The following KIF26B variants were observed in gnomAD, a reference collection of about 807,000 sequenced individuals.
The protein encoded by KIF26B is kinesin family member 26B, also known as kinesin-like protein KIF26B.
Under a neutral mutation model 151.2 loss-of-function variants are expected in KIF26B, and 63 were observed. The observed-to-expected ratio is 0.42, with a 90% CI of 0.34 to 0.51. The LOEUF (loss-of-function observed/expected upper bound fraction) is 0.51, where lower values mean the gene tolerates loss of function less well. KIF26B is among the 20% of genes least tolerant of loss of function. The probability of loss-of-function intolerance (pLI) is 0.07; values close to 1 mark genes in which losing one functional copy is unlikely to be tolerated. For synonymous variants in KIF26B, 1,357 were observed against 1,262.1 expected (o/e 1.08, Z -1.59); for missense variants, 2,813 against 2,913.6 (o/e 0.97, Z 0.79).
intron 10 of KIF26B, among the ~76,000 whole-genome samples, chr1:245,652,426 AT>A (rs1258289825): frequency 1.3e-5 from 2 of 152,288 alleles, no homozygotes; most frequent in African/African-American, 4.8e-5. Context: ...TCGCTGGGAC[AT>A]CGAAGTCCCT....
Position 245,239,799 on chromosome 1 carries a change from T to G in KIF26B, c.465+83116T>G, listed in dbSNP as rs931159958. On this transcript the variant is annotated intron_variant, in intron 2 of 14. Coordinates refer to ENST00000407071, the MANE Select transcript of KIF26B (RefSeq NM_018012.4). The surrounding 1 kb of genome is among the most constrained non-coding windows in gnomAD (Gnocchi z 4.3). ...GCATGAGCCATTGTGTCCTGACCAG[T>G]AAAATGATTTTCTGAATGTTTTAGT... Among the ~76,000 whole-genome samples the G allele has an allele frequency of 1.3e-5, 2 of 152,054 alleles. No homozygotes were observed. Among genetic ancestry groups the G allele is most frequent in the Non-Finnish European group, 2.9e-5 (2 of 68,024 alleles).
intron 2 of KIF26B, among the ~76,000 whole-genome samples, chr1:245,301,821 G>A (rs566617640): frequency 1.3e-5 from 2 of 152,302 alleles, no homozygotes; most frequent in African/African-American, 4.8e-5. Flanking sequence ...GTGCCTTCTA[G>A]TACCCAATTA....
chr1:245,220,591 C>T (rs1669747739), intron 2 of KIF26B, among the ~76,000 whole-genome samples: 1 of 152,092 alleles, frequency 6.6e-6, no homozygotes, highest in African/African-American at 2.4e-5. Flanking sequence ...TACAATATCC[C>T]AATAAAGCGT....
At chr1:245,262,618 C>A (rs576941107) in intron 2 of KIF26B, among the ~76,000 whole-genome samples, 4 of 152,184 alleles carry the variant, frequency 2.6e-5, no homozygotes, top group African/African-American at 9.6e-5. Context: ...CCACGCCTGG[C>A]TAACTTTTGT....
At chr1:245,551,820 G>A (rs553119090) in intron 5 of KIF26B, among the ~76,000 whole-genome samples, 1 of 152,122 alleles carries the variant, frequency 6.6e-6, no homozygotes, top group Non-Finnish European at 1.5e-5. Flanking sequence ...TCCTTGGGGA[G>A]GCTTTCCCTG....
At chr1:245,633,790 T>C (rs2043806153) in intron 9 of KIF26B, among the ~76,000 whole-genome samples, 1 of 152,218 alleles carries the variant, frequency 6.6e-6, no homozygotes, top group Non-Finnish European at 1.5e-5. Context: ...CTCTAAATCA[T>C]GTGTTTGATG....
chr1:245,202,231 C>T (rs144440842), intron 2 of KIF26B, among the ~76,000 whole-genome samples: 149 of 152,040 alleles, frequency 9.8e-4, no homozygotes, highest in Admixed American at 4.7e-3. Flanking sequence ...TCTCTCGCAA[C>T]GTTACTCACT....
chr1:245,700,758 C>A (rs897919962), intron 14 of KIF26B, among the ~76,000 whole-genome samples: 2 of 152,168 alleles, frequency 1.3e-5, no homozygotes, highest in African/African-American at 2.4e-5. Context: ...CCTGCGAGGG[C>A]CTTTCATCGA....
chr1:245,388,776 A>T (rs1337402880), intron 3 of KIF26B, among the ~76,000 whole-genome samples: 1 of 152,204 alleles, frequency 6.6e-6, no homozygotes, highest in Non-Finnish European at 1.5e-5. Context: ...TGCTGCTCTG[A>T]GTCTGTTGGG....
chr1:245,478,778 G>C (rs1572082957), intron 4 of KIF26B, among the ~76,000 whole-genome samples: 1 of 151,736 alleles, frequency 6.6e-6, no homozygotes, highest in East Asian at 1.9e-4. Context: ...GGTGAACAGT[G>C]AGTAGCAGGA....
intron 2 of KIF26B, among the ~76,000 whole-genome samples, chr1:245,214,816 G>T (rs1185829819): frequency 2.0e-5 from 3 of 152,128 alleles, no homozygotes; most frequent in Non-Finnish European, 4.4e-5. Flanking sequence ...CTCCAGCCTG[G>T]GTTACAAGAG....
At chr1:245,384,136 ACCACTTC>A (rs1673483724) in intron 3 of KIF26B, among the ~76,000 whole-genome samples, 1 of 152,128 alleles carries the variant, frequency 6.6e-6, no homozygotes, top group Non-Finnish European at 1.5e-5. Context: ...TTGAGCAGCT[ACCACTTC>A]CCGTTCCCCT....
chr1:245,474,276 T>G (rs1334707983), intron 4 of KIF26B, among the ~76,000 whole-genome samples: 1 of 150,768 alleles, frequency 6.6e-6, no homozygotes, highest in Admixed American at 6.6e-5. Flanking sequence ...ATCTGGCTAA[T>G]TTTTTGTATT....
At chr1:245,599,310 G>T (rs1262510434) in intron 5 of KIF26B, among the ~76,000 whole-genome samples, 3 of 152,208 alleles carry the variant, frequency 2.0e-5, no homozygotes, top group African/African-American at 7.2e-5. Flanking sequence ...GCATTGCAAA[G>T]AAAAGAATGG....
At chr1:245,662,146 C>A (rs1460091462) in intron 10 of KIF26B, among the ~76,000 whole-genome samples, 1 of 149,596 alleles carries the variant, frequency 6.7e-6, no homozygotes, top group East Asian at 2.0e-4. Flanking sequence ...ACACACACCC[C>A]ATATATATAT....
chr1:245,271,791 C>T (rs1324988753), intron 2 of KIF26B, among the ~76,000 whole-genome samples: 2 of 152,002 alleles, frequency 1.3e-5, no homozygotes, highest in East Asian at 1.9e-4. Context: ...CTGTATTCAT[C>T]AGGGATATTG....
intron 2 of KIF26B, among the ~76,000 whole-genome samples, chr1:245,172,294 G>A (rs1223246697): frequency 6.6e-6 from 1 of 152,158 alleles, no homozygotes; most frequent in Non-Finnish European, 1.5e-5. Flanking sequence ...GCTCCGGGCT[G>A]CTGGAACATT....
chr1:245,596,828 G>A (rs2043340224), intron 5 of KIF26B, among the ~76,000 whole-genome samples: 1 of 152,176 alleles, frequency 6.6e-6, no homozygotes, highest in Non-Finnish European at 1.5e-5. Flanking sequence ...TGTATTGGGT[G>A]CATATATATT....
At chr1:245,630,385 T>C (rs1032192102) in intron 9 of KIF26B, among the ~76,000 whole-genome samples, 3 of 152,120 alleles carry the variant, frequency 2.0e-5, no homozygotes, top group East Asian at 1.9e-4. Context: ...ATATGCACCA[T>C]GGAATACTAT....
Sources: allele counts gnomAD v4.1 joint callset (sites outside exome capture counted in the v4.1 genomes callset), GRCh38; gene constraint gnomAD v4.1.1; non-coding constraint Gnocchi (gnomAD v3.1); transcripts MANE v1.5; gene names NCBI Gene and HGNC (gene_info 2026-07-23, HGNC 2026-07-21).